PKHD1L1: variants seen among roughly 807,000 people sequenced by gnomAD.
PKHD1L1 encodes fibrocystin-L.
PKHD1L1 carries 434 observed loss-of-function variants against 462.9 expected under a neutral mutation model. The ratio of observed to expected loss-of-function variants is 0.94; its 90% CI spans 0.87 to 1.02. The LOEUF is 1.02. Among genes scored for constraint, PKHD1L1 ranks in the 50% least tolerant of loss-of-function variants. PKHD1L1 has a pLI of 0.00. For synonymous variants in PKHD1L1, 1,781 were observed against 1,750.0 expected, an observed-to-expected ratio of 1.02 and a Z score of -0.44; for missense variants, 5,202 against 5,096.1, an observed-to-expected ratio of 1.02 and a Z score of -0.63.
In PKHD1L1 at chr8:109,532,374, T is replaced by A. The variant is rs759224320; in HGVS notation, c.*2284T>A. On this transcript the variant is annotated 3_prime_UTR_variant, in exon 78 of 78. Coordinates refer to ENST00000378402, the MANE Select transcript of PKHD1L1 (RefSeq NM_177531.6). ...ACAATTTAATTACTACTTTTAAAAA[T>A]GCTTGAATTATTGGAATCCATGGGC... 5.3e-5 allele frequency among the ~76,000 whole-genome samples: 8 copies of A among 152,204 alleles called. No homozygotes were observed. The highest frequency in any genetic ancestry group is 1.0e-4 in the Non-Finnish European group (7 of 68,020).
chr8:109,515,202 TCAA>T lies in PKHD1L1; in HGVS notation c.11588_11590del (p.Gln3863del). 1 of 1,601,814 alleles carries T rather than the reference TCAA, an allele frequency of 6.2e-7. No individual in the cohort carries two copies. Among genetic ancestry groups the T allele is most frequent in the Non-Finnish European group, 8.5e-7 (1 of 1,173,986 alleles). ...TAGTAGGAATTTTCTTTTCCACACT[TCAA>T]CGTTTGGATGTCTATGTGAACAACT... On this transcript the variant is annotated inframe_deletion, in exon 72 of 78. Transcript: ENST00000378402.
chr8:109,429,956 C>G lies in PKHD1L1; in HGVS notation c.3148C>G (p.Pro1050Ala), dbSNP rs779101321. ...PQVEVYVNGI[P>A]AKCSGDCGFT... is the part of the protein sequence containing the mutation. ...GGTTGAAGTCTATGTCAATGGAATT[C>G]CAGCTAAATGTTCAGGTGACTGTGG... Residue 1050 changes from proline (P) to alanine (A), a missense_variant, in exon 27 of 78, where the codon CCA (proline) becomes GCA (alanine). Coordinates refer to ENST00000378402, the MANE Select transcript of PKHD1L1 (RefSeq NM_177531.6). 2.5e-5 allele frequency: 40 copies of G among 1,612,006 alleles called. No homozygotes were observed. The Admixed American group carries it at 6.5e-4, about 26-fold the overall frequency.
At position 109,454,247 on chromosome 8, in the gene PKHD1L1, G is replaced by A; in HGVS notation, c.6744+1G>A. On this transcript the variant is annotated splice_donor_variant, in intron 44 of 77. Transcript: ENST00000378402. LOFTEE classifies it high-confidence loss of function. ...AATTACAGATGGAGGTGTTCTTCAGGTATTCAAAAGAACATAATACATATT... is the reference window on the plus strand; with the variant it reads ...AATTACAGATGGAGGTGTTCTTCAGATATTCAAAAGAACATAATACATATT... 1 of 1,589,372 alleles carries A rather than the reference G, an allele frequency of 6.3e-7. No homozygotes were observed. Among genetic ancestry groups the A allele is most frequent in the Non-Finnish European group, 8.6e-7 (1 of 1,165,030 alleles).
Position 109,493,713 on chromosome 8 carries a change from G to A in PKHD1L1, c.10289G>A (p.Gly3430Glu). Reference sequence around the variant, plus strand: ...CAGAATAATGTAGTGGCTGGATTTGGAAGAGCAGGATACCGCATTGATGGT... The same window carrying A: ...CAGAATAATGTAGTGGCTGGATTTGAAAGAGCAGGATACCGCATTGATGGT... ...VLQNNVVAGF[G>E]RAGYRIDGEP... The change falls in exon 63 of 78, where the codon GGA (glycine) becomes GAA (glutamate). Residue 3430 changes from glycine (G) to glutamate (E), a missense_variant. By Grantham distance (98) the Gly-to-Glu change is moderately conservative. Around this residue, in one of 3 missense-constraint regions of PKHD1L1, gnomAD observed 4,497 missense variants for 4,336.8 expected, o/e 1.04. Coordinates refer to ENST00000378402, the MANE Select transcript of PKHD1L1 (RefSeq NM_177531.6). The A allele has an allele frequency of 6.2e-7, 1 of 1,610,084 alleles. No individual in the cohort carries two copies. The highest frequency in any genetic ancestry group is 1.7e-4 in the Middle Eastern group (1 of 6,052).
chr8:109,390,797 A>G (rs56228898), intron 9 of PKHD1L1, among the ~76,000 whole-genome samples: 131 of 152,296 alleles, frequency 8.6e-4, no homozygotes, highest in Middle Eastern at 3.4e-3. Context: ...TTAAATAACT[A>G]AAGTAATTAA....
At chr8:109,523,015 G>A in intron 75 of PKHD1L1, 125 bp downstream of exon 75, 1 of 1,124,926 alleles carries the variant, frequency 8.9e-7, no homozygotes, top group Non-Finnish European at 1.2e-6. Flanking sequence ...TCAGAAGTTG[G>A]ACTAATATCC....
chr8:109,454,125 G>T (rs1222890760), intron 43 of PKHD1L1, 42 bp from the exon 44 acceptor site: 3 of 1,319,522 alleles, frequency 2.3e-6, no homozygotes, highest in South Asian at 1.4e-5. Context: ...CTTTTAACAA[G>T]ATTTTTCCTT....
chr8:109,484,753 A>G (rs2607632), intron 57 of PKHD1L1, among the ~76,000 whole-genome samples: 18,092 of 151,582 alleles, frequency 0.12, 2,887 homozygotes, highest in African/African-American at 0.36. Flanking sequence ...AAAAATGTGA[A>G]TATGTTTGCT....
At chr8:109,416,637 G>A (rs1814186921) in intron 21 of PKHD1L1, among the ~76,000 whole-genome samples, 2 of 152,132 alleles carry the variant, frequency 1.3e-5, no homozygotes, top group South Asian at 4.1e-4. Context: ...TGAGTGGGGA[G>A]AATGCTACCA....
chr8:109,530,563 G>A lies in PKHD1L1; in HGVS notation c.*473G>A, dbSNP rs769850114. Among the ~76,000 whole-genome samples the A allele has an allele frequency of 9.9e-5, 15 of 151,996 alleles. No homozygotes were observed. The highest frequency in any genetic ancestry group is 2.4e-5 in the African/African-American group (1 of 41,368). ...TAGTTTCTAAGGATTTTGGAGAGAC[G>A]AGATTGTCTTCACACAATCTGAGAT... On this transcript the variant is annotated 3_prime_UTR_variant, in exon 78 of 78. Transcript: ENST00000378402.
intron 6 of PKHD1L1, 87 bp downstream of exon 6, chr8:109,385,717 C>T: frequency 1.2e-6 from 1 of 824,582 alleles, no homozygotes; most frequent in Admixed American, 3.4e-5. Flanking sequence ...ATATTAAATC[C>T]CATTACAATG....
intron 6 of PKHD1L1, among the ~76,000 whole-genome samples, chr8:109,386,106 A>G (rs1025990197): frequency 6.6e-6 from 1 of 152,182 alleles, no homozygotes; most frequent in Non-Finnish European, 1.5e-5. Context: ...GAAACCAAAC[A>G]TTGTCAATAA....
intron 42 of PKHD1L1, 42 bp downstream of exon 42, chr8:109,452,322 C>A (rs1440033558): frequency 6.9e-7 from 1 of 1,454,216 alleles, no homozygotes; most frequent in South Asian, 1.6e-5. Context: ...CAATAGAAAA[C>A]CAGCATTATG....
chr8:109,396,243 T>C (rs776734230), intron 11 of PKHD1L1, 106 bp downstream of exon 11: 1 of 803,484 alleles, frequency 1.2e-6, no homozygotes, highest in Non-Finnish European at 2.0e-6. Context: ...ATGCCTTCAA[T>C]TGGAAGCTGA....
At chr8:109,451,953 A>T (rs900816003) in intron 41 of PKHD1L1, among the ~76,000 whole-genome samples, 171 bp from the exon 42 acceptor site, 1 of 152,116 alleles carries the variant, frequency 6.6e-6, no homozygotes, top group South Asian at 2.1e-4. Flanking sequence ...CTTTTTTTCA[A>T]TAAATATTTT....
At chr8:109,376,204 G>C (rs1054729524) in intron 2 of PKHD1L1, among the ~76,000 whole-genome samples, 11 of 152,336 alleles carry the variant, frequency 7.2e-5, no homozygotes, top group African/African-American at 2.6e-4. Flanking sequence ...GCATTGGTGG[G>C]TGCCCCTCCC....
chr8:109,467,671 T>G (rs1817522038), intron 50 of PKHD1L1, among the ~76,000 whole-genome samples: 2 of 152,244 alleles, frequency 1.3e-5, no homozygotes, highest in African/African-American at 4.8e-5. Flanking sequence ...AAATTATTAG[T>G]TAAAATATCT....
Position 109,522,310 on chromosome 8 carries a change from C to A in PKHD1L1, c.12156C>A (p.Pro4052=). The part of the protein sequence containing the change: ...ISSMSITNPL[P]SPSDSGWIKV... ...CCATGTCTATTACTAATCCCCTCCCCAGCCCAAGTGACTCTGGGTGGATTA... is the reference window on the plus strand; with the variant it reads ...CCATGTCTATTACTAATCCCCTCCCAAGCCCAAGTGACTCTGGGTGGATTA... Residue 4052 remains proline (P), a synonymous_variant, in exon 74 of 78, where the codon CCC becomes CCA. Coordinates refer to ENST00000378402, the MANE Select transcript of PKHD1L1 (RefSeq NM_177531.6). 6 of 1,605,964 alleles carry A rather than the reference C, an allele frequency of 3.7e-6. No homozygotes were observed. In the Admixed American group the frequency reaches 1.0e-4, roughly 28 times the overall value.
chr8:109,426,090 G>A (rs1362884524), intron 24 of PKHD1L1, among the ~76,000 whole-genome samples: 1 of 152,008 alleles, frequency 6.6e-6, no homozygotes, highest in Non-Finnish European at 1.5e-5. Context: ...GTAATATGAA[G>A]CTAAACTATT....
Sources: gnomAD v4.1 joint callset for allele counts (sites outside exome capture counted in the v4.1 genomes callset) on GRCh38, gnomAD v4.1.1 for gene constraint, gnomAD v4.1.1 regional missense constraint, MANE v1.5 for transcripts, NCBI Gene and HGNC (gene_info 2026-07-23, HGNC 2026-07-21) for gene names.